RBFOX2: variants seen among roughly 807,000 people sequenced by gnomAD.
RBFOX2 encodes RNA binding fox-1 homolog 2.
A neutral mutation model predicts 49.1 loss-of-function variants in RBFOX2; 10 were observed. The observed-to-expected ratio is 0.20, with a 90% CI of 0.13 to 0.35. The LOEUF is 0.35. Among genes scored for constraint, RBFOX2 ranks in the 10% least tolerant of loss-of-function variants. RBFOX2 has a pLI of 1.00. For missense variants in RBFOX2, 323 were observed against 486.9 expected, an observed-to-expected ratio of 0.66 and a Z score of 3.17; for synonymous variants, 183 against 187.4, an observed-to-expected ratio of 0.98 and a Z score of 0.19.
upstream of RBFOX2, among the ~76,000 whole-genome samples, chr22:35,941,957 T>C (rs140001663): frequency 2.0e-5 from 3 of 152,326 alleles, no homozygotes; most frequent in East Asian, 5.8e-4. Flanking sequence ...TTTTGCGTGA[T>C]TTTGAATTTT....
chr22:35,880,484 T>C (rs1261713808), intron 1 of RBFOX2, among the ~76,000 whole-genome samples: 1 of 152,062 alleles, frequency 6.6e-6, no homozygotes, highest in Non-Finnish European at 1.5e-5. Flanking sequence ...TAGCTAGAGG[T>C]ATACATTTGA....
chr22:35,904,809 C>G (rs1004252949), intron 1 of RBFOX2, among the ~76,000 whole-genome samples: 1 of 152,172 alleles, frequency 6.6e-6, no homozygotes, highest in South Asian at 2.1e-4. Flanking sequence ...TCGTCTAACA[C>G]GCAGCCAGCT....
At chr22:35,931,809 C>T (rs1252242755) in intron 1 of RBFOX2, among the ~76,000 whole-genome samples, 1 of 152,114 alleles carries the variant, frequency 6.6e-6, no homozygotes, top group Non-Finnish European at 1.5e-5. Flanking sequence ...TTTAAGGTTG[C>T]ATTTTTAAGG....
At chr22:35,877,055 C>G (rs548856852) in intron 1 of RBFOX2, among the ~76,000 whole-genome samples, 1 of 152,278 alleles carries the variant, frequency 6.6e-6, no homozygotes, top group East Asian at 1.9e-4. Flanking sequence ...GTTTTAGTCA[C>G]TGGTGCAACT....
intron 1 of RBFOX2, among the ~76,000 whole-genome samples, chr22:35,883,106 C>T (rs909807337): frequency 4.6e-5 from 7 of 152,222 alleles, no homozygotes; most frequent in Admixed American, 6.5e-5. Context: ...TTGCCTTCAT[C>T]TCTAGGCTCC....
chr22:35,894,723 G>A (rs1364384607), intron 1 of RBFOX2, among the ~76,000 whole-genome samples: 1 of 152,110 alleles, frequency 6.6e-6, no homozygotes, highest in East Asian at 1.9e-4. Context: ...TGCTCTGTGG[G>A]GAGGCCATTT....
At chr22:36,003,116 G>A (rs1321501774) in intron 1 of RBFOX2, among the ~76,000 whole-genome samples, 1 of 152,228 alleles carries the variant, frequency 6.6e-6, no homozygotes, top group Non-Finnish European at 1.5e-5. Context: ...AACTGGGCCT[G>A]CTGGTAACCC....
intron 1 of RBFOX2, among the ~76,000 whole-genome samples, chr22:35,825,823 A>G (rs767255716): frequency 6.6e-6 from 1 of 151,732 alleles, no homozygotes; most frequent in African/African-American, 2.4e-5. Context: ...TCTACTAATA[A>G]TACAAAAATT....
At chr22:35,766,573 G>C (rs1210676273) in intron 5 of RBFOX2, among the ~76,000 whole-genome samples, 1 of 152,054 alleles carries the variant, frequency 6.6e-6, no homozygotes, top group African/African-American at 2.4e-5. Context: ...ATTTACTCTA[G>C]CTTCGCCCAC....
chr22:35,975,729 A>T (rs2057113571), intron 1 of RBFOX2, among the ~76,000 whole-genome samples: 1 of 152,038 alleles, frequency 6.6e-6, no homozygotes, highest in African/African-American at 2.4e-5. Flanking sequence ...AAAAAATCAA[A>T]TTTTCATGTT....
At chr22:35,899,551 A>G (rs2149438179) in intron 1 of RBFOX2, among the ~76,000 whole-genome samples, 1 of 147,984 alleles carries the variant, frequency 6.8e-6, no homozygotes, top group East Asian at 1.9e-4. Context: ...ACATTTTTCT[A>G]CCTTTAAAAC....
At chr22:35,991,283 G>A (rs575265123) in intron 1 of RBFOX2, among the ~76,000 whole-genome samples, 1 of 152,264 alleles carries the variant, frequency 6.6e-6, no homozygotes, top group East Asian at 1.9e-4. Context: ...CAGTCTATGA[G>A]GAGCCACCGG....
intron 1 of RBFOX2, chr22:35,897,371 T>A (rs1423098560): frequency 8.6e-7 from 1 of 1,162,632 alleles, no homozygotes; most frequent in African/African-American, 1.5e-5. Flanking sequence ...CCAGTGGTGT[T>A]GCCTGAATAC....
At chr22:35,997,518 C>T (rs1278745252) in intron 1 of RBFOX2, 1 of 152,216 alleles carries the variant, frequency 6.6e-6, no homozygotes, top group Non-Finnish European at 1.5e-5. Context: ...TTTTTAAATA[C>T]TGTATTTACA....
At chr22:36,004,902 G>C (rs1052467098) in intron 1 of RBFOX2, among the ~76,000 whole-genome samples, 1 of 152,090 alleles carries the variant, frequency 6.6e-6, no homozygotes, top group Admixed American at 6.5e-5. Flanking sequence ...TATTACATAG[G>C]AACAGCAGCT....
In RBFOX2 at chr22:35,998,483, TCTC is replaced by T. The variant is rs1480050675; in HGVS notation, c.186+29754_186+29756del. ...CCTCTGCCTCCCGTGTTCAAGCAAT[TCTC>T]CTGCCTCAGCCTCCCGAGTAGCTGG... On this transcript the variant is annotated intron_variant, in intron 1 of 13. Coordinates refer to the RBFOX2 transcript ENST00000438146. 3 of 152,188 alleles carry T rather than the reference TCTC, an allele frequency of 2.0e-5. No homozygotes were observed. In the East Asian group the frequency reaches 5.8e-4, roughly 29 times the overall value. 9.4% of individuals were successfully genotyped at this position (152,188 alleles called of 1,614,324 possible). A position where few individuals can be genotyped will look rare whatever the true frequency, so the allele number is the denominator to read the frequency against.
chr22:35,756,194 A>G, intron 9 of RBFOX2, 50 bp from the exon 11 acceptor site: 1 of 1,472,964 alleles, frequency 6.8e-7, no homozygotes, highest in Non-Finnish European at 9.1e-7. Context: ...AAAGAACAGA[A>G]ACACATTCCG....
At chr22:35,799,751 C>A (rs1438075262) in intron 2 of RBFOX2, among the ~76,000 whole-genome samples, 1 of 151,950 alleles carries the variant, frequency 6.6e-6, no homozygotes, top group Non-Finnish European at 1.5e-5. Context: ...AGTTCCAGAC[C>A]AGCCAGAGCA....
upstream of RBFOX2, among the ~76,000 whole-genome samples, chr22:35,962,531 TC>T (rs1359245034): frequency 6.6e-6 from 1 of 152,134 alleles, no homozygotes; most frequent in Non-Finnish European, 1.5e-5. Flanking sequence ...ATGTTAACAA[TC>T]CCCAGAGGAA....
Sources: gnomAD v4.1 joint callset for allele counts (sites outside exome capture counted in the v4.1 genomes callset) on GRCh38, gnomAD v4.1.1 for gene constraint, MANE v1.5 for transcripts, NCBI Gene and HGNC (gene_info 2026-07-23, HGNC 2026-07-21) for gene names.